The following MEGF6 variants were observed in gnomAD, a reference collection of about 807,000 sequenced individuals.
MEGF6 encodes multiple EGF like domains 6.
In MEGF6, 184 loss-of-function variants were observed where a neutral mutation model predicts 207.1. The observed-to-expected ratio is 0.89, with a 90% CI of 0.79 to 1.00. The LOEUF is 1.00. Ranked by LOEUF, MEGF6 falls within the 50% of genes least tolerant of loss-of-function variation. The pLI is 0.00. For missense variants in MEGF6, 2,282 were observed against 2,202.9 expected (o/e 1.04, Z -0.72); for synonymous variants, 1,038 against 910.0 (o/e 1.14, Z -2.53).
At chr1:3,520,413 A>G (rs1340191858) in intron 5 of MEGF6, among the ~76,000 whole-genome samples, 2 of 152,332 alleles carry the variant, frequency 1.3e-5, no homozygotes, top group Admixed American at 1.3e-4. Context: ...ATGCCCCCAG[A>G]CACTCGGGCC....
intron 4 of MEGF6, among the ~76,000 whole-genome samples, chr1:3,575,652 G>A (rs975583164): frequency 6.6e-6 from 1 of 152,058 alleles, no homozygotes; most frequent in African/African-American, 2.4e-5. Flanking sequence ...GATGGCAGCA[G>A]GCAAAGAGAG....
At chr1:3,523,111 A>C (rs1463805522) in intron 5 of MEGF6, among the ~76,000 whole-genome samples, 2 of 151,126 alleles carry the variant, frequency 1.3e-5, no homozygotes, top group Non-Finnish European at 2.9e-5. Context: ...CTGCTCTGCC[A>C]CATCACAGGC....
Position 3,611,185 on chromosome 1 carries a change from C to A in MEGF6, c.84G>T (p.Val28=). 5.2e-6 allele frequency: 8 copies of A among 1,553,324 alleles called. No homozygotes were observed. Among genetic ancestry groups the A allele is most frequent in the Non-Finnish European group, 6.9e-6 (8 of 1,160,084 alleles). Residue 28 remains valine, a synonymous_variant, in exon 1 of 37, where the codon GTG becomes GTT. Transcript: ENST00000356575. ...LVLLLLPAVP[V]GASVPPRPLL... ...GGGGCCGCGGCGGAACGCTGGCGCC[C>A]ACGGGCACGGCGGGGAGCAGCAGCA...
At chr1:3,535,185 G>A (rs774277469) in intron 4 of MEGF6, among the ~76,000 whole-genome samples, 2 of 152,144 alleles carry the variant, frequency 1.3e-5, no homozygotes, top group Non-Finnish European at 2.9e-5. Flanking sequence ...GTGTCACCGC[G>A]ACGGTGCCCG....
At chr1:3,598,090 G>T (rs1644097516) in intron 2 of MEGF6, among the ~76,000 whole-genome samples, 1 of 152,194 alleles carries the variant, frequency 6.6e-6, no homozygotes, top group South Asian at 2.1e-4. Flanking sequence ...AGACCCCACA[G>T]CCAGCCACCC....
intron 2 of MEGF6, among the ~76,000 whole-genome samples, chr1:3,597,672 C>T (rs975973454): frequency 2.0e-5 from 3 of 152,190 alleles, no homozygotes; most frequent in Non-Finnish European, 4.4e-5. Flanking sequence ...ACGGAAGTGG[C>T]GGCCACAAGC....
chr1:3,599,275 C>G (rs114738346), intron 2 of MEGF6, among the ~76,000 whole-genome samples: 2,094 of 152,348 alleles, frequency 0.014, 46 homozygotes, highest in African/African-American at 0.048. Context: ...TGGCCTCCCC[C>G]CCAGAGCTCA....
intron 3 of MEGF6, among the ~76,000 whole-genome samples, chr1:3,589,637 A>G (rs1335863609): frequency 1.3e-5 from 2 of 152,142 alleles, no homozygotes; most frequent in Non-Finnish European, 2.9e-5. Flanking sequence ...GTCTCCTGCA[A>G]GGACAGGAGC....
intron 26 of MEGF6, chr1:3,497,660 C>T (rs1476371849): frequency 8.6e-5 from 49 of 571,540 alleles, no homozygotes; most frequent in Non-Finnish European, 6.5e-6. Context: ...AGCTCAGCCT[C>T]TGGCAGCCCC....
intron 5 of MEGF6, among the ~76,000 whole-genome samples, chr1:3,516,808 G>T (rs531741321): frequency 6.6e-6 from 1 of 152,342 alleles, no homozygotes; most frequent in East Asian, 1.9e-4. Flanking sequence ...GGCGCTGAGG[G>T]TCCCCTCCTG....
intron 9 of MEGF6, among the ~76,000 whole-genome samples, chr1:3,511,304 G>A (rs1344540379): frequency 6.6e-6 from 1 of 152,222 alleles, no homozygotes; most frequent in African/African-American, 2.4e-5. Context: ...TGCTGATGGG[G>A]CTAAGGGGGT....
Position 3,500,678 on chromosome 1 carries a change from G to A in MEGF6, c.2662C>T (p.Leu888=), listed in dbSNP as rs1383734424. 1 of 1,573,890 alleles carries A rather than the reference G, an allele frequency of 6.4e-7. No homozygotes were observed. The highest frequency in any genetic ancestry group is 1.8e-5 in the Admixed American group (1 of 54,438). Residue 888 remains leucine, a synonymous_variant, in exon 21 of 37, where the codon CTG becomes TTG. Transcript: ENST00000356575. ...GHGSCDAISG[L]CLCEAGYVGP... ...ACGTAGCCAGCCTCACACAGACACA[G>A]GCCGCTGATGGCATCACAGCTCCCG...
In MEGF6 at chr1:3,496,746, C is replaced by A. The variant is rs1383095215; in HGVS notation, c.3651G>T (p.Gln1217His). Reference protein sequence around the residue: ...PPGRYGPGCEQLCGCLNGGSC... With the variant: ...PPGRYGPGCEHLCGCLNGGSC... ...AGCCCCCGTTGAGACACCCACACAGCTGTTCACAGCCTGGCCCATACCGCC... is the reference window on the plus strand; with the variant it reads ...AGCCCCCGTTGAGACACCCACACAGATGTTCACAGCCTGGCCCATACCGCC... Residue 1217 changes from glutamine (Q) to histidine (H), a missense_variant, in exon 29 of 37, where the codon CAG becomes CAT. Coordinates refer to ENST00000356575, the MANE Select transcript of MEGF6 (RefSeq NM_001409.4). The A allele has an allele frequency of 6.4e-7, 1 of 1,560,098 alleles. No individual in the cohort carries two copies. Among genetic ancestry groups the A allele is most frequent in the Non-Finnish European group, 8.7e-7 (1 of 1,152,522 alleles).
At chr1:3,592,636 C>T (rs182644748) in intron 3 of MEGF6, among the ~76,000 whole-genome samples, 52 of 152,158 alleles carry the variant, frequency 3.4e-4, no homozygotes, top group African/African-American at 1.2e-3. Flanking sequence ...TAGCACAGGA[C>T]GCGCCAGGCA....
In MEGF6 at chr1:3,562,884, T is replaced by C. The variant is rs190503241; in HGVS notation, c.481+16941A>G. On this transcript the variant is annotated intron_variant, in intron 4 of 36. Transcript: ENST00000356575. ...GACAGGGCCTTGGTGACAGTGGAGG[T>C]GAGGACCTTGCTGGGCCAGCCCCTC... Among the ~76,000 whole-genome samples, 141 of 152,020 alleles carry C rather than the reference T, an allele frequency of 9.3e-4. 2 individuals are homozygous for C. The highest frequency in any genetic ancestry group is 2.4e-3 in the Admixed American group (36 of 15,288).
rs112919116 is a variant in MEGF6 at position 3,610,182 on chromosome 1, C to T, written c.131+956G>A. On this transcript the variant is annotated intron_variant, in intron 1 of 36. Transcript: ENST00000356575. ...TCCACTTTCTGGAGTAAAGCCAGAC[C>T]CAGGGTGGGGTCTTGGGAGCTTGGA... is the stretch of plus-strand genomic sequence containing the variant. Among the ~76,000 whole-genome samples the T allele has an allele frequency of 4.9e-3, 752 of 152,350 alleles. 1 individual carries two copies. Among genetic ancestry groups the T allele is most frequent in the Non-Finnish European group, 8.8e-3 (600 of 68,030 alleles).
chr1:3,531,555 G>C, intron 4 of MEGF6: 3 of 948,238 alleles, frequency 3.2e-6, no homozygotes, highest in Non-Finnish European at 3.8e-6. Flanking sequence ...GGGCCGCGCC[G>C]GCCCGCCCGC....
intron 4 of MEGF6, among the ~76,000 whole-genome samples, chr1:3,527,035 G>A (rs944352470): frequency 2.0e-5 from 3 of 152,268 alleles, no homozygotes; most frequent in East Asian, 1.9e-4. Flanking sequence ...CTGATCCCTC[G>A]CTTCCAGGGG....
At chr1:3,495,111 G>A (rs951965002) in intron 30 of MEGF6, among the ~76,000 whole-genome samples, 2 of 152,234 alleles carry the variant, frequency 1.3e-5, no homozygotes, top group African/African-American at 4.8e-5. Context: ...GGCCTGAGAA[G>A]TAGCGTGGCT....
Sources: allele counts gnomAD v4.1 joint callset (sites outside exome capture counted in the v4.1 genomes callset), GRCh38; gene constraint gnomAD v4.1.1; transcripts MANE v1.5; gene names NCBI Gene and HGNC (gene_info 2026-07-23, HGNC 2026-07-21).